Variants in ZNHIT6 observed in about 807,000 individuals in gnomAD.
ZNHIT6 encodes zinc finger HIT-type containing 6.
Under a neutral mutation model 57.2 loss-of-function variants are expected in ZNHIT6, and 45 were observed. The ratio of observed to expected loss-of-function variants is 0.79; its 90% confidence interval spans 0.62 to 1.01. ZNHIT6 has a LOEUF of 1.01. Among genes scored for constraint, ZNHIT6 ranks in the 50% least tolerant of loss-of-function variants. ZNHIT6 has a pLI of 0.00. For missense variants in ZNHIT6, 528 were observed against 567.3 expected (o/e 0.93, Z 0.70); for synonymous variants, 188 against 190.0 (o/e 0.99, Z 0.09).
chr1:85,659,655 A>C (rs1363429278), intron 8 of ZNHIT6, among the ~76,000 whole-genome samples: 1 of 152,222 alleles, frequency 6.6e-6, no homozygotes, highest in Admixed American at 6.5e-5. Flanking sequence ...AATTATCTGC[A>C]CCATAATCAT....
rs933657747 is a variant in ZNHIT6, at chr1:85,652,225, T to C, written c.*1833A>G. The C allele has an allele frequency of 2.6e-5, 4 of 152,088 alleles. No homozygotes were observed. Among genetic ancestry groups the C allele is most frequent in the Admixed American group, 6.5e-5 (1 of 15,282 alleles). 9.4% of individuals were successfully genotyped at this position (152,088 alleles called of 1,614,324 possible). A position where few individuals can be genotyped will look rare whatever the true frequency, so the allele number is the denominator to read the frequency against. Reference sequence around the variant, plus strand: ...CAAAAAATTCCTATCCACCCTCATATTCAGATCATATTCAGATCGCAAGTT... The same window carrying C: ...CAAAAAATTCCTATCCACCCTCATACTCAGATCATATTCAGATCGCAAGTT... On this transcript the variant is annotated 3_prime_UTR_variant, in exon 10 of 10. Coordinates refer to ENST00000370574, the MANE Select transcript of ZNHIT6 (RefSeq NM_017953.4).
chr1:85,706,533 A>T, intron 1 of ZNHIT6, 26 bp from the exon 2 acceptor site: 9 of 1,513,714 alleles, frequency 5.9e-6, no homozygotes, highest in Non-Finnish European at 7.9e-6. Context: ...TGTAACATTA[A>T]ATTATCAAAT....
chr1:85,701,597 AT>A (rs759849928), intron 5 of ZNHIT6, among the ~76,000 whole-genome samples: 29 of 152,200 alleles, frequency 1.9e-4, no homozygotes, highest in Non-Finnish European at 3.8e-4. Flanking sequence ...TTGAAATCTT[AT>A]TTGGAAACCC....
In ZNHIT6 at chr1:85,653,543, A is replaced by G. The variant is rs1421209763; in HGVS notation, c.*515T>C. The G allele has an allele frequency of 2.6e-5, 4 of 151,962 alleles. No individual in the cohort carries two copies. The highest frequency in any genetic ancestry group is 2.6e-4 in the Admixed American group (4 of 15,220). The allele number at this position is 151,962 out of a possible 1,614,324, so 9.4% of individuals were successfully genotyped here. A position where few individuals can be genotyped will look rare whatever the true frequency, so the allele number is the denominator to read the frequency against. On this transcript the variant is annotated 3_prime_UTR_variant, in exon 10 of 10. Transcript: ENST00000370574. ...ATGCTTTGGAGTCTGAGGTGGAAGGATTGCTTGAGGCCACAAATTTGAGAC... is the reference window on the plus strand; with the variant it reads ...ATGCTTTGGAGTCTGAGGTGGAAGGGTTGCTTGAGGCCACAAATTTGAGAC...
intron 8 of ZNHIT6, among the ~76,000 whole-genome samples, chr1:85,660,082 T>C (rs1661182996): frequency 6.6e-6 from 1 of 152,194 alleles, no homozygotes; most frequent in Non-Finnish European, 1.5e-5. Context: ...CTTTTAAACA[T>C]TATTTCTCTT....
intron 8 of ZNHIT6, among the ~76,000 whole-genome samples, chr1:85,662,936 G>T (rs1198182477): frequency 6.6e-6 from 1 of 152,050 alleles, no homozygotes; most frequent in African/African-American, 2.4e-5. Context: ...TTTAAAGAGG[G>T]GCTTACAAGG....
chr1:85,670,410 C>G (rs748645647), intron 8 of ZNHIT6, among the ~76,000 whole-genome samples: 1 of 152,050 alleles, frequency 6.6e-6, no homozygotes, highest in Non-Finnish European at 1.5e-5. Flanking sequence ...GGCATCAATA[C>G]CTAGCATACA....
intron 8 of ZNHIT6, among the ~76,000 whole-genome samples, chr1:85,665,510 AT>A (rs537318663): frequency 8.9e-4 from 136 of 152,108 alleles, no homozygotes; most frequent in African/African-American, 3.0e-3. Context: ...CTTACATAGC[AT>A]TTTTTTCTTT....
At chr1:85,695,267 C>T (rs1235182019) in intron 5 of ZNHIT6, among the ~76,000 whole-genome samples, 1 of 149,846 alleles carries the variant, frequency 6.7e-6, no homozygotes. Context: ...GACCCTGTCT[C>T]CAAAAAAAAA....
At chr1:85,682,313 C>T (rs1275714176) in intron 5 of ZNHIT6, among the ~76,000 whole-genome samples, 4 of 151,702 alleles carry the variant, frequency 2.6e-5, no homozygotes, top group Non-Finnish European at 4.4e-5. Context: ...CATGAGCCAC[C>T]GCACCCGGCC....
intron 5 of ZNHIT6, among the ~76,000 whole-genome samples, chr1:85,699,421 T>A (rs1185552041): frequency 6.6e-6 from 1 of 152,144 alleles, no homozygotes; most frequent in African/African-American, 2.4e-5. Context: ...AAGTACATCT[T>A]CTGTATTTAT....
rs143569277 is a variant in ZNHIT6, at chr1:85,671,136, T to C, written c.1247+6100A>G. On this transcript the variant is annotated intron_variant, in intron 8 of 9. Transcript: ENST00000370574. ...TGGGAGTAATTTCTACAGAAATAAG[T>C]TGACAATATCTTAAGTTCCTGAAAT... 7.5e-3 allele frequency among the ~76,000 whole-genome samples: 1,141 copies of C among 152,312 alleles called. 18 individuals carry two copies. Among genetic ancestry groups the C allele is most frequent in the African/African-American group, 0.025 (1,042 of 41,564 alleles).
chr1:85,682,758 C>A (rs1202975521), intron 5 of ZNHIT6, among the ~76,000 whole-genome samples: 1 of 152,182 alleles, frequency 6.6e-6, no homozygotes, highest in South Asian at 2.1e-4. Context: ...ATGTAAAGAA[C>A]ACTCAATGCA....
At chr1:85,666,922 T>G (rs1661385954) in intron 8 of ZNHIT6, among the ~76,000 whole-genome samples, 1 of 152,210 alleles carries the variant, frequency 6.6e-6, no homozygotes, top group African/African-American at 2.4e-5. Flanking sequence ...TTATTCTCGC[T>G]TTCTTTTAGA....
At position 85,706,543 on chromosome 1, in the gene ZNHIT6, T is replaced by G. The variant is rs1553159092; in HGVS notation, c.657-36A>C. On this transcript the variant is annotated intron_variant, in intron 1 of 9. Transcript: ENST00000370574. Reference sequence around the variant, plus strand: ...CCACATGTAACATTAAATTATCAAATATTAATTGTATTTATTTATAAACTT... The same window carrying G: ...CCACATGTAACATTAAATTATCAAAGATTAATTGTATTTATTTATAAACTT... 6 of 1,468,366 alleles carry G rather than the reference T, an allele frequency of 4.1e-6. No homozygotes were observed. In the South Asian group the frequency reaches 8.8e-5, roughly 21 times the overall value. The allele number at this position is 1,468,366 out of a possible 1,614,324, so 91.0% of individuals were successfully genotyped here.
intron 5 of ZNHIT6, among the ~76,000 whole-genome samples, chr1:85,685,881 G>C (rs1020393024): frequency 6.6e-6 from 1 of 151,532 alleles, no homozygotes; most frequent in African/African-American, 2.4e-5. Flanking sequence ...TTCATAATCA[G>C]TAAAGTCAAA....
chr1:85,693,635 A>G (rs1662279254), intron 5 of ZNHIT6, among the ~76,000 whole-genome samples: 1 of 152,218 alleles, frequency 6.6e-6, no homozygotes, highest in Non-Finnish European at 1.5e-5. Flanking sequence ...CACACATCAT[A>G]GAAACTGCAG....
chr1:85,692,242 GA>G (rs145057382), intron 5 of ZNHIT6, among the ~76,000 whole-genome samples: 8,593 of 152,210 alleles, frequency 0.056, 352 homozygotes, highest in Middle Eastern at 0.1. Flanking sequence ...TGGTGACTGG[GA>G]AAAGGCTTCC....
rs1661103643 is a variant in ZNHIT6 at position 85,657,862 on chromosome 1, T to C, written c.1357A>G (p.Lys453Glu). 5 of 1,607,492 alleles carry C rather than the reference T, an allele frequency of 3.1e-6. No homozygotes were observed. Among genetic ancestry groups the C allele is most frequent in the African/African-American group, 1.3e-5 (1 of 74,676 alleles). ...VVLKGSNNDM[K>E]VLHQVKSEST... ...TTACACTTACCTTGGTGAAGAACTT[T>C]CATGTCATTATTGGATCCTTTCAAT... Residue 453 changes from lysine to glutamate, a missense_variant, in exon 9 of 10, where the codon AAA (lysine) becomes GAA (glutamate). Transcript: ENST00000370574.
Sources: gnomAD v4.1 joint callset for allele counts (sites outside exome capture counted in the v4.1 genomes callset) on GRCh38, gnomAD v4.1.1 for gene constraint, MANE v1.5 for transcripts, NCBI Gene and HGNC (gene_info 2026-07-23, HGNC 2026-07-21) for gene names.